TMEM150C: variants seen among roughly 807,000 people sequenced by gnomAD.
TMEM150C encodes transmembrane protein 150C.
A neutral mutation model predicts 29.9 loss-of-function variants in TMEM150C; 10 were observed. The ratio of observed to expected loss-of-function variants is 0.33; its 90% CI spans 0.21 to 0.57. TMEM150C has a LOEUF of 0.57. Ranked by LOEUF, TMEM150C falls within the 20% of genes least tolerant of loss-of-function variation. The pLI, the probability that TMEM150C is intolerant of heterozygous loss-of-function variation, is 0.88. For synonymous variants in TMEM150C, 101 were observed against 112.5 expected (o/e 0.90, Z 0.64); for missense variants, 251 against 303.6 (o/e 0.83, Z 1.29).
intron 6 of TMEM150C, chr4:82,495,120 T>A: frequency 1.5e-6 from 1 of 647,850 alleles, no homozygotes. Flanking sequence ...TCTTACAACA[T>A]ACTGGCAGAC....
chr4:82,559,946 G>T (rs1037464684), intron 1 of TMEM150C, among the ~76,000 whole-genome samples: 2 of 152,088 alleles, frequency 1.3e-5, no homozygotes, highest in African/African-American at 4.8e-5. Flanking sequence ...AAGAGGTGTG[G>T]GTCACAGGCG....
Position 82,485,526 on chromosome 4 carries a change from C to T in TMEM150C, c.735G>A (p.Gln245=). Residue 245 remains glutamine (Q), a synonymous_variant, in exon 8 of 8, where the codon CAG becomes CAA. Transcript: ENST00000449862. The part of the protein sequence containing the change: ...SESLSEASEY[Q]TDQV ...AACTGATGGTTTACACCTGGTCAGT[C>T]TGATATTCAGAAGCTTCTGACAGGC... is the stretch of plus-strand genomic sequence containing the variant. 2 of 1,601,226 alleles carry T rather than the reference C, an allele frequency of 1.2e-6. No homozygotes were observed. The highest frequency in any genetic ancestry group is 1.7e-6 in the Non-Finnish European group (2 of 1,173,738).
In TMEM150C at chr4:82,491,081, G is replaced by A. The variant is rs1332442574; in HGVS notation, c.364-843C>T. ...GTCTTGCCTTCCTCTTGATAATGCAGCAAGAGACCCCCATTTTACGACACA... is the reference window on the plus strand; with the variant it reads ...GTCTTGCCTTCCTCTTGATAATGCAACAAGAGACCCCCATTTTACGACACA... On this transcript the variant is annotated intron_variant, in intron 6 of 7. Transcript: ENST00000449862. 3 of 712,644 alleles carry A rather than the reference G, an allele frequency of 4.2e-6. No homozygotes were observed. In the Admixed American group the frequency reaches 5.7e-5, roughly 14 times the overall value. The allele number at this position is 712,644 out of a possible 1,614,324, so 44.1% of individuals were successfully genotyped here.
At chr4:82,512,056 T>A (rs1462223911) in intron 1 of TMEM150C, among the ~76,000 whole-genome samples, 3 of 152,240 alleles carry the variant, frequency 2.0e-5, no homozygotes, top group Non-Finnish European at 4.4e-5. Context: ...GATCTCATTT[T>A]CCTTTAACAA....
intron 1 of TMEM150C, among the ~76,000 whole-genome samples, chr4:82,531,175 A>G (rs1724833121): frequency 6.6e-6 from 1 of 152,220 alleles, no homozygotes. Context: ...TCTAGTAACT[A>G]AGACAGGAAT....
chr4:82,525,378 GT>G (rs1003715348), intron 1 of TMEM150C, among the ~76,000 whole-genome samples: 9 of 152,162 alleles, frequency 5.9e-5, no homozygotes, highest in African/African-American at 2.2e-4. Flanking sequence ...GAACTGTATT[GT>G]TTCCAAAGTC....
At chr4:82,546,555 G>A (rs541802260) in intron 1 of TMEM150C, among the ~76,000 whole-genome samples, 2 of 152,264 alleles carry the variant, frequency 1.3e-5, no homozygotes, top group South Asian at 2.1e-4. Flanking sequence ...GGGGCCGGGC[G>A]TGGTGGCTCA....
chr4:82,487,454 A>G (rs974643432), intron 7 of TMEM150C, among the ~76,000 whole-genome samples: 1 of 152,218 alleles, frequency 6.6e-6, no homozygotes, highest in African/African-American at 2.4e-5. Context: ...GTCTTAAATC[A>G]CAAAAAACAT....
At chr4:82,497,313 G>T (rs920133505) in intron 5 of TMEM150C, among the ~76,000 whole-genome samples, 3 of 152,160 alleles carry the variant, frequency 2.0e-5, no homozygotes, top group African/African-American at 7.2e-5. Context: ...TGACGTTAAG[G>T]TTCAGCAGGA....
chr4:82,521,710 T>C (rs1373705122), intron 1 of TMEM150C, among the ~76,000 whole-genome samples: 1 of 152,060 alleles, frequency 6.6e-6, no homozygotes, highest in African/African-American at 2.4e-5. Flanking sequence ...GAAGACTCGG[T>C]GATGCAGAGG....
At chr4:82,553,631 AAAG>A (rs1372495991) in intron 1 of TMEM150C, among the ~76,000 whole-genome samples, 1 of 152,222 alleles carries the variant, frequency 6.6e-6, no homozygotes, top group Non-Finnish European at 1.5e-5. Flanking sequence ...TATGAACAAG[AAAG>A]AAGAGTGAAA....
chr4:82,484,711 T>C lies in TMEM150C; in HGVS notation c.*800A>G, dbSNP rs1723103453. The C allele has an allele frequency of 6.6e-6, 1 of 152,226 alleles. No individual in the cohort carries two copies. The highest frequency in any genetic ancestry group is 1.5e-5 in the Non-Finnish European group (1 of 68,034). The allele number at this position is 152,226 out of a possible 1,614,324, so 9.4% of individuals were successfully genotyped here. A position where few individuals can be genotyped will look rare whatever the true frequency, so the allele number is the denominator to read the frequency against. ...CCATGAGGCTTAGAGAGACTCATGG[T>C]AGTTACTTAAAAGAAACTATGAAAT... On this transcript the variant is annotated 3_prime_UTR_variant, in exon 8 of 8. Coordinates refer to ENST00000449862, the MANE Select transcript of TMEM150C (RefSeq NM_001080506.3).
rs144637182 is a variant in TMEM150C at position 82,506,614 on chromosome 4, C to T, written c.-10-1947G>A. ...GGTCTAATGAATACGACTATTTATA[C>T]GTAACATTCTACGCAATATATAAAA... On this transcript the variant is annotated intron_variant, in intron 1 of 7. Coordinates refer to ENST00000449862, the MANE Select transcript of TMEM150C (RefSeq NM_001080506.3). Among the ~76,000 whole-genome samples, 735 of 152,302 alleles carry T rather than the reference C, an allele frequency of 4.8e-3. 20 individuals carry two copies. Among genetic ancestry groups the T allele is most frequent in the Admixed American group, 0.038 (582 of 15,292 alleles).
intron 5 of TMEM150C, among the ~76,000 whole-genome samples, chr4:82,499,228 G>T (rs1723650916): frequency 6.6e-6 from 1 of 152,108 alleles, no homozygotes; most frequent in Non-Finnish European, 1.5e-5. Flanking sequence ...CCATTTCAAA[G>T]CCATCTTTAT....
intron 1 of TMEM150C, among the ~76,000 whole-genome samples, chr4:82,558,186 T>C (rs184933386): frequency 1.0e-3 from 159 of 152,294 alleles, no homozygotes; most frequent in Middle Eastern, 6.8e-3. Flanking sequence ...AGAACTATAC[T>C]GTCCAATATG....
intron 1 of TMEM150C, among the ~76,000 whole-genome samples, chr4:82,511,466 A>G (rs1254956241): frequency 9.6e-6 from 1 of 104,444 alleles, no homozygotes; most frequent in Non-Finnish European, 1.8e-5. Flanking sequence ...ACATTGTCCC[A>G]ACACTATTTT....
At chr4:82,536,713 AC>A (rs1399795037) in intron 1 of TMEM150C, among the ~76,000 whole-genome samples, 1 of 151,874 alleles carries the variant, frequency 6.6e-6, no homozygotes, top group African/African-American at 2.4e-5. Context: ...CCCATTAAAA[AC>A]AAAAAAAAAA....
chr4:82,519,749 A>G (rs1367108634), intron 1 of TMEM150C, among the ~76,000 whole-genome samples: 4 of 152,190 alleles, frequency 2.6e-5, no homozygotes, highest in Non-Finnish European at 4.4e-5. Flanking sequence ...CTATACATAC[A>G]TGCATAAGAT....
chr4:82,514,113 C>T (rs1447202836), intron 1 of TMEM150C, among the ~76,000 whole-genome samples: 1 of 152,212 alleles, frequency 6.6e-6, no homozygotes, highest in Admixed American at 6.5e-5. Context: ...ACAGAGAAGC[C>T]CCTTCCCCAA....
Sources: gnomAD v4.1 joint callset for allele counts (sites outside exome capture counted in the v4.1 genomes callset) on GRCh38, gnomAD v4.1.1 for gene constraint, MANE v1.5 for transcripts, NCBI Gene and HGNC (gene_info 2026-07-23, HGNC 2026-07-21) for gene names.